The following PGR variants were observed in gnomAD, a reference collection of about 807,000 sequenced individuals.
PGR encodes nuclear receptor subfamily 3 group C member 3.
In PGR, 25 loss-of-function variants were observed where a neutral mutation model predicts 76.1. The observed-to-expected ratio is 0.33, with a 90% confidence interval of 0.24 to 0.46. PGR has a LOEUF of 0.46. Ranked by LOEUF, PGR falls within the 20% of genes least tolerant of loss-of-function variation. PGR has a pLI of 1.00. For synonymous variants in PGR, 579 were observed against 535.0 expected (o/e 1.08, Z -1.14); for missense variants, 1,172 against 1,225.3 (o/e 0.96, Z 0.65).
At chr11:101,103,460 C>T (rs9282822) in intron 2 of PGR, among the ~76,000 whole-genome samples, 2,884 of 152,180 alleles carry the variant, frequency 0.019, 76 homozygotes, top group African/African-American at 0.061. Flanking sequence ...CTCTTACCCC[C>T]GCATGTTACT....
chr11:101,126,810 A>C (rs1862852519), intron 1 of PGR, among the ~76,000 whole-genome samples: 2 of 152,234 alleles, frequency 1.3e-5, no homozygotes, highest in South Asian at 4.1e-4. Context: ...AAAACGGTGC[A>C]ATGCAGTGAC....
In PGR at chr11:101,104,630, C is replaced by T. The variant is rs372026083; in HGVS notation, c.1790-12754G>A. Among the ~76,000 whole-genome samples, 6 of 152,268 alleles carry T rather than the reference C, an allele frequency of 3.9e-5. No homozygotes were observed. In the East Asian group the frequency reaches 9.6e-4, roughly 24 times the overall value. On this transcript the variant is annotated intron_variant, in intron 2 of 7. Transcript: ENST00000325455. ...TTATGACGACCAATATGGATTTTAA[C>T]TCTGTTACTGCATTTTGGATCACAC...
intron 3 of PGR, among the ~76,000 whole-genome samples, chr11:101,079,878 C>G (rs182945054): frequency 1.4e-5 from 2 of 144,300 alleles, no homozygotes; most frequent in African/African-American, 5.1e-5. Context: ...GTGCAGGGGG[C>G]CCCTCTCTAT....
Position 101,050,141 on chromosome 11 carries a change from A to C in PGR, c.2358-82T>G, listed in dbSNP as rs1860037979. 5.6e-6 allele frequency: 8 copies of C among 1,435,432 alleles called. 1 individual carries two copies. In the South Asian group the frequency reaches 5.9e-5, roughly 11 times the overall value. 88.9% of individuals were successfully genotyped at this position (1,435,432 alleles called of 1,614,324 possible). A position where few individuals can be genotyped will look rare whatever the true frequency, so the allele number is the denominator to read the frequency against. ...AGCCAGTTTAGGTAATTTATCAGGGAATATGGTTTTGGTAATTACCTTACA... is the reference window on the plus strand; with the variant it reads ...AGCCAGTTTAGGTAATTTATCAGGGCATATGGTTTTGGTAATTACCTTACA... On this transcript the variant is annotated intron_variant, in intron 5 of 7. Transcript: ENST00000325455.
chr11:101,069,200 A>G (rs910217824), intron 3 of PGR, among the ~76,000 whole-genome samples: 2 of 152,184 alleles, frequency 1.3e-5, no homozygotes, highest in Non-Finnish European at 2.9e-5. Context: ...AAGTGGGTGA[A>G]GGGTATGAAT....
rs899822741 is a variant in PGR, at chr11:101,035,313, A to T, written c.*3803T>A. 4.3e-6 allele frequency: 1 copy of T among 229,914 alleles called. No homozygotes were observed. The highest frequency in any genetic ancestry group is 8.6e-6 in the Non-Finnish European group (1 of 115,976). The allele number at this position is 229,914 out of a possible 1,614,324, so 14.2% of individuals were successfully genotyped here. A position where few individuals can be genotyped will look rare whatever the true frequency, so the allele number is the denominator to read the frequency against. ...TGGAGTTGTAAAAGTTTTTAAAATG[A>T]TTCATATTCTATCCTGACTTCTGAT... On this transcript the variant is annotated 3_prime_UTR_variant, in exon 8 of 8. Transcript: ENST00000325455.
intron 3 of PGR, among the ~76,000 whole-genome samples, chr11:101,070,207 G>T (rs1274556953): frequency 6.6e-6 from 1 of 152,110 alleles, no homozygotes; most frequent in African/African-American, 2.4e-5. Context: ...TGCCTTACCC[G>T]GGAAGTACAA....
chr11:101,068,232 C>T (rs1860794221), intron 3 of PGR, among the ~76,000 whole-genome samples: 1 of 151,996 alleles, frequency 6.6e-6, no homozygotes, highest in Admixed American at 6.6e-5. Flanking sequence ...CAATAATAGA[C>T]AAACAGAGAG....
intron 2 of PGR, among the ~76,000 whole-genome samples, chr11:101,109,975 T>C (rs518485): frequency 0.97 from 148,288 of 152,304 alleles, 72,204 homozygotes; most frequent in East Asian, 1. Flanking sequence ...TCTACTCTGC[T>C]TGTGTTCTAG....
At chr11:101,059,239 G>A (rs1308963920) in intron 4 of PGR, among the ~76,000 whole-genome samples, 2 of 151,850 alleles carry the variant, frequency 1.3e-5, no homozygotes, top group Non-Finnish European at 2.9e-5. Flanking sequence ...AGTCCTTGAA[G>A]CCAAAAATGT....
intron 4 of PGR, among the ~76,000 whole-genome samples, chr11:101,053,571 T>G (rs111837414): frequency 1.0e-5 from 1 of 98,792 alleles, no homozygotes; most frequent in Non-Finnish European, 1.9e-5. Flanking sequence ...TCTCCCTTTC[T>G]TCCCTCCCCT....
intron 2 of PGR, among the ~76,000 whole-genome samples, chr11:101,114,663 C>T (rs1463277554): frequency 6.6e-6 from 1 of 151,952 alleles, no homozygotes; most frequent in African/African-American, 2.4e-5. Flanking sequence ...CATGTACTTC[C>T]TATTTCTGAA....
rs1860080251 is a variant in PGR at position 101,051,295 on chromosome 11, T to C, written c.2357+129A>G. ...GAGGAAAAAGCTCCAAATATAAAAT[T>C]ACCGTAAAATGACAGTAATGTCATC... On this transcript the variant is annotated intron_variant, in intron 5 of 7. Transcript: ENST00000325455. The C allele has an allele frequency of 4.6e-6, 3 of 646,966 alleles. No individual in the cohort carries two copies. In the South Asian group the frequency reaches 6.5e-5, roughly 14 times the overall value. The allele number at this position is 646,966 out of a possible 1,614,324, so 40.1% of individuals were successfully genotyped here.
At position 101,042,016 on chromosome 11, in the gene PGR, T is replaced by C; in HGVS notation, c.2575A>G (p.Arg859Gly). ...IRELIKAIGL[R>G]QKGVVSSSQR... ...GAGCTCGACACAACTCCTTTTTGCC[T>C]CAAACCAATTGCCTTGATGAGCTCT... Residue 859 changes from arginine (R) to glycine (G), a missense_variant, in exon 7 of 8, where the codon AGG (arginine) becomes GGG (glycine). Physicochemically the swap from Arg to Gly is moderately radical, Grantham distance 125 (BLOSUM62 -2). This residue lies in a region of PGR where 166 missense variants were observed against 296.0 expected (regional missense o/e 0.56). Transcript: ENST00000325455. 1 of 1,613,674 alleles carries C rather than the reference T, an allele frequency of 6.2e-7. No homozygotes were observed. The highest frequency in any genetic ancestry group is 8.5e-7 in the Non-Finnish European group (1 of 1,179,708).
chr11:101,067,884 C>T (rs1036839763), intron 3 of PGR, among the ~76,000 whole-genome samples: 2 of 151,730 alleles, frequency 1.3e-5, no homozygotes, highest in Non-Finnish European at 2.9e-5. Context: ...AAAAAAACAT[C>T]TCAAAACTAA....
At chr11:101,067,132 G>T (rs546771658) in intron 3 of PGR, among the ~76,000 whole-genome samples, 1 of 152,198 alleles carries the variant, frequency 6.6e-6, no homozygotes, top group African/African-American at 2.4e-5. Flanking sequence ...CTTGAAGTGT[G>T]TTTCTGCCTT....
chr11:101,035,160 T>A lies in PGR; in HGVS notation c.*3956A>T, dbSNP rs1244707254. 4.7e-6 allele frequency: 1 copy of A among 213,622 alleles called. No individual in the cohort carries two copies. Among genetic ancestry groups the A allele is most frequent in the Non-Finnish European group, 9.5e-6 (1 of 105,744 alleles). 13.2% of individuals were successfully genotyped at this position (213,622 alleles called of 1,614,324 possible). ...CAAACTTATGCCATTACTTGTCTCC[T>A]TGTCCACTTCACTTTATCAGTGGGG... On this transcript the variant is annotated 3_prime_UTR_variant, in exon 8 of 8. Transcript: ENST00000325455.
chr11:101,095,400 A>G (rs1861804614), intron 2 of PGR, among the ~76,000 whole-genome samples: 1 of 152,346 alleles, frequency 6.6e-6, no homozygotes, highest in East Asian at 1.9e-4. Context: ...AAATAATAAA[A>G]GAACAACAGA....
At chr11:101,051,279 G>T (rs543928814) in intron 5 of PGR, 145 bp downstream of exon 5, 4 of 610,274 alleles carry the variant, frequency 6.6e-6, no homozygotes, top group East Asian at 2.7e-5. Context: ...AGAGGAAAAA[G>T]CTCCAAATAT....
Sources: allele counts gnomAD v4.1 joint callset (sites outside exome capture counted in the v4.1 genomes callset), GRCh38; gene constraint gnomAD v4.1.1; regional missense constraint gnomAD v4.1.1; transcripts MANE v1.5; gene names NCBI Gene and HGNC (gene_info 2026-07-23, HGNC 2026-07-21).